ATCAY: variants seen among roughly 807,000 people sequenced by gnomAD.
The protein encoded by ATCAY is caytaxin.
A neutral mutation model predicts 47.7 loss-of-function variants in ATCAY; 22 were observed. That is an observed-to-expected ratio of 0.46 (90% CI 0.33 to 0.66). The LOEUF (loss-of-function observed/expected upper bound fraction) is 0.66, where lower values mean the gene tolerates loss of function less well. ATCAY is among the 30% of genes least tolerant of loss of function. The probability of loss-of-function intolerance (pLI) is 0.02; values close to 1 mark genes in which losing one functional copy is unlikely to be tolerated. For synonymous variants in ATCAY, 216 were observed against 207.6 expected (o/e 1.04, Z -0.35); for missense variants, 452 against 515.0 (o/e 0.88, Z 1.18).
chr19:3,881,624 G>T (rs1265699339), intron 1 of ATCAY, among the ~76,000 whole-genome samples: 1 of 142,674 alleles, frequency 7.0e-6, no homozygotes, highest in East Asian at 2.4e-4. Flanking sequence ...AGTGTCCGGG[G>T]CCCACTGAGG....
chr19:3,924,706 C>A lies in ATCAY; in HGVS notation c.*114C>A. On this transcript the variant is annotated 3_prime_UTR_variant, in exon 13 of 13. Transcript: ENST00000450849. ...TGCCTCATCCTGAGTCCCAATCTTCCAAGGGTGCCAGCCCCTCCGTTCATC... is the reference window on the plus strand; with the variant it reads ...TGCCTCATCCTGAGTCCCAATCTTCAAAGGGTGCCAGCCCCTCCGTTCATC... 8.7e-7 allele frequency: 1 copy of A among 1,147,518 alleles called. No homozygotes were observed. The highest frequency in any genetic ancestry group is 1.3e-6 in the Non-Finnish European group (1 of 782,642). The allele number at this position is 1,147,518 out of a possible 1,614,324, so 71.1% of individuals were successfully genotyped here. A position where few individuals can be genotyped will look rare whatever the true frequency, so the allele number is the denominator to read the frequency against.
At chr19:3,887,573 G>A (rs1012917253) in intron 2 of ATCAY, among the ~76,000 whole-genome samples, 2 of 150,942 alleles carry the variant, frequency 1.3e-5, no homozygotes, top group South Asian at 2.1e-4. Flanking sequence ...TGCAAGCTCC[G>A]CCTCCCGGGT....
chr19:3,907,974 C>A lies in ATCAY; in HGVS notation c.544+55C>A. The A allele has an allele frequency of 6.4e-7, 1 of 1,574,288 alleles. No individual in the cohort carries two copies. The highest frequency in any genetic ancestry group is 8.6e-7 in the Non-Finnish European group (1 of 1,157,112). On this transcript the variant is annotated intron_variant, in intron 5 of 12. Transcript: ENST00000450849. The surrounding 1 kb of genome is among the most constrained non-coding windows in gnomAD (Gnocchi z 5.1). ...GGCTCCAGCCCGGCCCACTGGGCAA[C>A]AGGGGGTTCGTCAGTGCCCCTCTCT...
intron 2 of ATCAY, among the ~76,000 whole-genome samples, chr19:3,889,820 A>G (rs2038698197): frequency 6.6e-6 from 1 of 152,136 alleles, no homozygotes; most frequent in South Asian, 2.1e-4. Flanking sequence ...ATTTTGATAA[A>G]ACAGCCGAGA....
At chr19:3,909,932 T>A (rs979048480) in intron 7 of ATCAY, among the ~76,000 whole-genome samples, 6 of 152,050 alleles carry the variant, frequency 3.9e-5, no homozygotes, top group African/African-American at 4.8e-5. Context: ...ACTAAAAAAA[T>A]TCAAAAATTA....
chr19:3,885,991 C>G (rs2038648990), intron 2 of ATCAY, 147 bp downstream of exon 2: 1 of 753,820 alleles, frequency 1.3e-6, no homozygotes, highest in African/African-American at 1.7e-5. Context: ...CCCGCACACT[C>G]TGGGAGGCCT....
Position 3,927,986 on chromosome 19 carries a change from A to C in ATCAY, c.*3394A>C, listed in dbSNP as rs2039082873. 6.6e-6 allele frequency: 1 copy of C among 152,220 alleles called. No individual in the cohort carries two copies. The highest frequency in any genetic ancestry group is 6.5e-5 in the Admixed American group (1 of 15,270). The allele number at this position is 152,220 out of a possible 1,614,324, so 9.4% of individuals were successfully genotyped here. On this transcript the variant is annotated 3_prime_UTR_variant, in exon 13 of 13. Transcript: ENST00000450849. ...AGTTTTGCGGTTTTTCAGAACAGAA[A>C]TGATCACTACGATTGACGACGGTCG...
At chr19:3,900,070 T>G (rs2038803000) in intron 2 of ATCAY, among the ~76,000 whole-genome samples, 1 of 152,222 alleles carries the variant, frequency 6.6e-6, no homozygotes, top group South Asian at 2.1e-4. Flanking sequence ...ATTGATACTA[T>G]TGGTTATTGA....
chr19:3,913,373 C>A (rs1017711650), intron 8 of ATCAY, among the ~76,000 whole-genome samples: 2 of 152,128 alleles, frequency 1.3e-5, no homozygotes, highest in Non-Finnish European at 2.9e-5. Context: ...CCGTCCTGTG[C>A]GGTGACATGG....
Position 3,902,545 on chromosome 19 carries a change from T to C in ATCAY, c.136T>C (p.Ser46Pro). The change falls in exon 3 of 13, where the codon TCT becomes CCT. Residue 46 changes from serine to proline, a missense_variant and splice_region_variant. By Grantham distance (74) the Ser-to-Pro change is moderately conservative. Coordinates refer to ENST00000450849, the MANE Select transcript of ATCAY (RefSeq NM_033064.5). Reference protein sequence around the residue: ...LLGSPVEDTSSPPNTLNFNGA... With the variant: ...LLGSPVEDTSPPPNTLNFNGA... ...TGGCAGCCCGGTGGAAGACACATCCTGTAAGTTTCCACGTCCACAGAAGGG... is the reference window on the plus strand; with the variant it reads ...TGGCAGCCCGGTGGAAGACACATCCCGTAAGTTTCCACGTCCACAGAAGGG... 1 of 1,569,090 alleles carries C rather than the reference T, an allele frequency of 6.4e-7. No individual in the cohort carries two copies. The highest frequency in any genetic ancestry group is 8.6e-7 in the Non-Finnish European group (1 of 1,156,728).
Position 3,918,809 on chromosome 19 carries a change from G to A in ATCAY, c.1005G>A (p.Ala335=), listed in dbSNP as rs765139204. ...EERLKARRES[A]RPQPEFVLPR... ...ACCTCGTTCTCTCTGTCCACAGCGC[G>A]AGGCCCCAGCCGGAGTTTGTGCTGC... Residue 335 remains alanine (A), a synonymous_variant, in exon 11 of 13, where the codon GCG becomes GCA. Transcript: ENST00000450849. The A allele has an allele frequency of 2.2e-5, 36 of 1,613,862 alleles. No homozygotes were observed. The highest frequency in any genetic ancestry group is 1.3e-4 in the East Asian group (6 of 44,884).
intron 2 of ATCAY, among the ~76,000 whole-genome samples, chr19:3,890,429 A>T (rs1228977295): frequency 2.7e-5 from 4 of 149,046 alleles, no homozygotes; most frequent in African/African-American, 9.9e-5. Context: ...CACCCAGCTA[A>T]TTTTTGTATT....
At chr19:3,900,895 CTTT>C (rs59395284) in intron 2 of ATCAY, among the ~76,000 whole-genome samples, 172 of 92,250 alleles carry the variant, frequency 1.9e-3, no homozygotes, top group Middle Eastern at 7.9e-3. Context: ...TATCCTTCAT[CTTT>C]TTTTTTTTTT....
intron 2 of ATCAY, among the ~76,000 whole-genome samples, chr19:3,900,024 T>C (rs1203626387): frequency 6.6e-6 from 1 of 152,138 alleles, no homozygotes; most frequent in Non-Finnish European, 1.5e-5. Flanking sequence ...ATATTAGCTG[T>C]GTATATTTTA....
At chr19:3,922,875 G>T (rs2039032427) in intron 12 of ATCAY, among the ~76,000 whole-genome samples, 2 of 152,132 alleles carry the variant, frequency 1.3e-5, no homozygotes, top group African/African-American at 2.4e-5. Flanking sequence ...CTCCCAAGTA[G>T]CTGGGACTAC....
At chr19:3,921,125 C>T (rs1437731715) in intron 12 of ATCAY, among the ~76,000 whole-genome samples, 4 of 152,154 alleles carry the variant, frequency 2.6e-5, no homozygotes, top group African/African-American at 9.7e-5. Context: ...CACACAGAGC[C>T]AAGCTCCCTG....
chr19:3,912,513 T>C (rs913690761), intron 8 of ATCAY, among the ~76,000 whole-genome samples: 1 of 152,070 alleles, frequency 6.6e-6, no homozygotes, highest in African/African-American at 2.4e-5. Context: ...GGTTTCATCG[T>C]GTTAGCCAGG....
chr19:3,904,515 G>A (rs1021767475), intron 3 of ATCAY, among the ~76,000 whole-genome samples: 1 of 152,132 alleles, frequency 6.6e-6, no homozygotes, highest in Non-Finnish European at 1.5e-5. Flanking sequence ...TAGGCGTCCC[G>A]CCTGCTGGCC....
chr19:3,919,852 G>A (rs758899237), intron 11 of ATCAY, among the ~76,000 whole-genome samples: 21 of 152,132 alleles, frequency 1.4e-4, no homozygotes, highest in Non-Finnish European at 2.6e-4. Flanking sequence ...CCAGCAGGTA[G>A]ATTCAGACTC....
Sources: allele counts gnomAD v4.1 joint callset (sites outside exome capture counted in the v4.1 genomes callset), GRCh38; gene constraint gnomAD v4.1.1; non-coding constraint Gnocchi (gnomAD v3.1); transcripts MANE v1.5; gene names NCBI Gene and HGNC (gene_info 2026-07-23, HGNC 2026-07-21).